ELF2: variants seen among roughly 807,000 people sequenced by gnomAD.
ELF2 encodes the protein ETS-related transcription factor Elf-2.
ELF2 carries 11 observed loss-of-function variants against 54.8 expected under a neutral mutation model. The ratio of observed to expected loss-of-function variants is 0.20; its 90% CI spans 0.13 to 0.33. The LOEUF is 0.33. ELF2 is among the 10% of genes least tolerant of loss of function. The pLI, the probability that ELF2 is intolerant of heterozygous loss-of-function variation, is 1.00. For synonymous variants in ELF2, 203 were observed against 245.1 expected, an observed-to-expected ratio of 0.83 and a Z score of 1.61; for missense variants, 513 against 703.0, an observed-to-expected ratio of 0.73 and a Z score of 3.06.
intron 4 of ELF2, among the ~76,000 whole-genome samples, chr4:139,114,634 T>TTTTTC (rs1553963908): frequency 4.7e-4 from 33 of 70,324 alleles, no homozygotes; most frequent in African/African-American, 1.9e-3. Flanking sequence ...TGGATTTTTT[T>TTTTTC]TTTCTTTCTT....
At chr4:139,140,048 A>C (rs956716927) in intron 1 of ELF2, among the ~76,000 whole-genome samples, 4 of 152,068 alleles carry the variant, frequency 2.6e-5, no homozygotes, top group African/African-American at 9.7e-5. Flanking sequence ...TTCTGCCTCA[A>C]CCTCCTGAGG....
chr4:139,170,716 C>T (rs199935099), intron 1 of ELF2, among the ~76,000 whole-genome samples: 56 of 142,724 alleles, frequency 3.9e-4, no homozygotes, highest in South Asian at 3.8e-3. Flanking sequence ...TATTACATTA[C>T]ATTATATTAT....
At chr4:139,158,516 G>A (rs987877217) in intron 1 of ELF2, among the ~76,000 whole-genome samples, 7 of 152,168 alleles carry the variant, frequency 4.6e-5, no homozygotes, top group East Asian at 1.9e-4. Flanking sequence ...TAGGGGCGAC[G>A]TGGGAACCTA....
intron 4 of ELF2, chr4:139,115,438 C>G (rs1735589948): frequency 1.0e-6 from 1 of 983,828 alleles, no homozygotes; most frequent in Non-Finnish European, 1.2e-6. Flanking sequence ...CCGGGACGCC[C>G]CCGGCTGGCT....
At chr4:139,166,446 T>C (rs1315724825) in intron 1 of ELF2, among the ~76,000 whole-genome samples, 1 of 152,166 alleles carries the variant, frequency 6.6e-6, no homozygotes, top group African/African-American at 2.4e-5. Flanking sequence ...ATCAGGTTCA[T>C]GGAAAAGATT....
intron 4 of ELF2, among the ~76,000 whole-genome samples, chr4:139,122,713 G>C (rs1218987588): frequency 6.6e-6 from 1 of 151,758 alleles, no homozygotes; most frequent in Non-Finnish European, 1.5e-5. Flanking sequence ...GTGTTAGCCA[G>C]GATGGTCTCG....
intron 3 of ELF2, among the ~76,000 whole-genome samples, chr4:139,132,283 G>T (rs1737566651): frequency 6.6e-6 from 1 of 152,134 alleles, no homozygotes; most frequent in African/African-American, 2.4e-5. Flanking sequence ...AAAACTTGTG[G>T]AAGAATATGC....
At chr4:139,083,154 G>C (rs1162376969) in intron 4 of ELF2, among the ~76,000 whole-genome samples, 1 of 151,072 alleles carries the variant, frequency 6.6e-6, no homozygotes, top group Non-Finnish European at 1.5e-5. Flanking sequence ...TGTCCTTTCC[G>C]AGGCGCTTCC....
intron 4 of ELF2, among the ~76,000 whole-genome samples, chr4:139,093,376 A>C (rs974356132): frequency 2.0e-5 from 3 of 152,242 alleles, no homozygotes; most frequent in Admixed American, 6.5e-5. Context: ...ATTCTAGCAA[A>C]TTTCAAAATT....
chr4:139,094,001 C>T (rs943923525), intron 4 of ELF2, among the ~76,000 whole-genome samples: 2 of 149,960 alleles, frequency 1.3e-5, no homozygotes, highest in African/African-American at 4.9e-5. Flanking sequence ...CGGGTTCGAG[C>T]GATTCTTCTG....
At position 139,149,052 on chromosome 4, in the gene ELF2, G is replaced by C. The variant is rs1739572339; in HGVS notation, c.-251-9555C>G. ...ATTTTAAACTTTCTCCCAGTATTGAGAACAAACACATTTACCTACAATTAC... is the reference window on the plus strand; with the variant it reads ...ATTTTAAACTTTCTCCCAGTATTGACAACAAACACATTTACCTACAATTAC... On this transcript the variant is annotated intron_variant, in intron 1 of 9. Transcript: ENST00000686138. Among the ~76,000 whole-genome samples, 6 of 152,140 alleles carry C rather than the reference G, an allele frequency of 3.9e-5. No homozygotes were observed. In the South Asian group the frequency reaches 1.2e-3, roughly 31 times the overall value.
chr4:139,077,933 A>G (rs1730553129), intron 4 of ELF2, among the ~76,000 whole-genome samples: 1 of 152,228 alleles, frequency 6.6e-6, no homozygotes, highest in African/African-American at 2.4e-5. Flanking sequence ...TTTTCTAGTT[A>G]CCACTGGTAG....
At chr4:139,143,988 T>G (rs982038856) in intron 1 of ELF2, among the ~76,000 whole-genome samples, 1 of 151,916 alleles carries the variant, frequency 6.6e-6, no homozygotes, top group Non-Finnish European at 1.5e-5. Flanking sequence ...GATGGCAGAT[T>G]GGAGGTAGTA....
At chr4:139,171,793 G>T in intron 1 of ELF2, among the ~76,000 whole-genome samples, 1 of 151,946 alleles carries the variant, frequency 6.6e-6, no homozygotes, top group East Asian at 1.9e-4. Flanking sequence ...GCATAGTTGT[G>T]CTCGGCTGTA....
intron 4 of ELF2, among the ~76,000 whole-genome samples, chr4:139,093,992 G>A (rs902823276): frequency 2.7e-5 from 4 of 150,474 alleles, no homozygotes; most frequent in African/African-American, 7.4e-5. Flanking sequence ...TCCGCCTCTC[G>A]GGTTCGAGCG....
intron 3 of ELF2, among the ~76,000 whole-genome samples, chr4:139,132,032 G>A (rs1266076645): frequency 6.6e-6 from 1 of 152,054 alleles, no homozygotes; most frequent in Non-Finnish European, 1.5e-5. Flanking sequence ...TAAAAGTCTG[G>A]AAAAAATACA....
At chr4:139,102,267 C>G (rs548753203) in intron 4 of ELF2, 1 of 151,178 alleles carries the variant, frequency 6.6e-6, no homozygotes. Context: ...TCACGCCTGT[C>G]ATCCCAGCAC....
At chr4:139,169,164 A>T (rs1247563114) in intron 1 of ELF2, among the ~76,000 whole-genome samples, 1 of 151,836 alleles carries the variant, frequency 6.6e-6, no homozygotes, top group African/African-American at 2.4e-5. Flanking sequence ...CCTGGCCAAA[A>T]TGGTGAAACC....
At chr4:139,108,085 ACAAT>A (rs1412493443) in intron 4 of ELF2, among the ~76,000 whole-genome samples, 3 of 152,220 alleles carry the variant, frequency 2.0e-5, no homozygotes, top group African/African-American at 4.8e-5. Flanking sequence ...AAAGAAAATG[ACAAT>A]CAATTTGTCG....
Sources: allele counts gnomAD v4.1 joint callset (sites outside exome capture counted in the v4.1 genomes callset), GRCh38; gene constraint gnomAD v4.1.1; transcripts MANE v1.5; gene names NCBI Gene and HGNC (gene_info 2026-07-23, HGNC 2026-07-21).